PPM1H: variants seen among roughly 807,000 people sequenced by gnomAD.
PPM1H encodes protein phosphatase, Mg2+/Mn2+ dependent 1H, also known as protein phosphatase 1H.
PPM1H carries 27 observed loss-of-function variants against 54.9 expected under a neutral mutation model. That is an observed-to-expected ratio of 0.49 (90% CI 0.36 to 0.68). The LOEUF (loss-of-function observed/expected upper bound fraction) is 0.68, where lower values mean the gene tolerates loss of function less well. PPM1H is among the 30% of genes least tolerant of loss of function. PPM1H has a pLI of 0.00. For synonymous variants in PPM1H, 305 were observed against 270.8 expected, an observed-to-expected ratio of 1.13 and a Z score of -1.24; for missense variants, 596 against 667.8, an observed-to-expected ratio of 0.89 and a Z score of 1.19.
At chr12:62,931,688 G>C (rs536951534) in intron 1 of PPM1H, among the ~76,000 whole-genome samples, 1 of 152,218 alleles carries the variant, frequency 6.6e-6, no homozygotes, top group Non-Finnish European at 1.5e-5. Flanking sequence ...GCTTGACCCT[G>C]GGCAAGTTGC....
chr12:62,758,029 T>C (rs1437988417), intron 4 of PPM1H, among the ~76,000 whole-genome samples: 1 of 152,198 alleles, frequency 6.6e-6, no homozygotes, highest in Non-Finnish European at 1.5e-5. Context: ...AACATGAATT[T>C]GCTGTTCAAA....
At chr12:62,787,292 T>C (rs1263013907) in intron 4 of PPM1H, among the ~76,000 whole-genome samples, 1 of 151,948 alleles carries the variant, frequency 6.6e-6, no homozygotes, top group Non-Finnish European at 1.5e-5. Context: ...CCATGTGACC[T>C]AGAGGAAGGG....
chr12:62,889,628 T>C (rs1213709194), intron 1 of PPM1H, among the ~76,000 whole-genome samples: 1 of 152,076 alleles, frequency 6.6e-6, no homozygotes, highest in Non-Finnish European at 1.5e-5. Context: ...CCCACATAAA[T>C]ACAGTCAACT....
intron 7 of PPM1H, among the ~76,000 whole-genome samples, chr12:62,690,092 T>G (rs1323334377): frequency 1.3e-5 from 2 of 152,158 alleles, no homozygotes; most frequent in East Asian, 3.8e-4. Flanking sequence ...GAAGGAAGGA[T>G]GTCCAATAAA....
intron 6 of PPM1H, among the ~76,000 whole-genome samples, chr12:62,694,478 T>C (rs2076102640): frequency 1.3e-5 from 2 of 152,220 alleles, no homozygotes; most frequent in Non-Finnish European, 2.9e-5. Flanking sequence ...CTCTATATAA[T>C]ATGCAAGGTT....
intron 4 of PPM1H, among the ~76,000 whole-genome samples, chr12:62,781,529 G>A (rs1022779371): frequency 6.6e-6 from 1 of 152,232 alleles, no homozygotes; most frequent in South Asian, 2.1e-4. Flanking sequence ...GATGCCCAGG[G>A]GTAGACTTTA....
chr12:62,755,003 T>C (rs906743236), intron 4 of PPM1H, among the ~76,000 whole-genome samples: 2 of 152,168 alleles, frequency 1.3e-5, no homozygotes, highest in African/African-American at 2.4e-5. Flanking sequence ...TTCTGAGAGA[T>C]GCCACATGTG....
At chr12:62,828,231 G>A (rs1388323231) in intron 2 of PPM1H, among the ~76,000 whole-genome samples, 1 of 152,088 alleles carries the variant, frequency 6.6e-6, no homozygotes, top group Non-Finnish European at 1.5e-5. Flanking sequence ...TATAGAAGTG[G>A]AAGCCAAAGT....
intron 4 of PPM1H, among the ~76,000 whole-genome samples, chr12:62,761,228 G>A (rs1324787094): frequency 6.6e-6 from 1 of 152,166 alleles, no homozygotes; most frequent in African/African-American, 2.4e-5. Flanking sequence ...AGGAATAAGG[G>A]ATCAGAAGTT....
chr12:62,691,883 C>G (rs2076085260), intron 7 of PPM1H, among the ~76,000 whole-genome samples: 1 of 151,990 alleles, frequency 6.6e-6, no homozygotes, highest in African/African-American at 2.4e-5. Flanking sequence ...GGACTGGCTC[C>G]CTTCTAGCCA....
At chr12:62,855,338 C>G (rs183985754) in intron 1 of PPM1H, among the ~76,000 whole-genome samples, 1 of 152,170 alleles carries the variant, frequency 6.6e-6, no homozygotes, top group East Asian at 1.9e-4. Flanking sequence ...TCAGACAGTA[C>G]GTCCAACAAA....
intron 2 of PPM1H, among the ~76,000 whole-genome samples, chr12:62,821,214 T>C (rs748759440): frequency 5.3e-5 from 8 of 151,588 alleles, no homozygotes; most frequent in Non-Finnish European, 8.8e-5. Context: ...AGAGGAGAAG[T>C]TTAGAGAAAA....
chr12:62,819,463 A>G (rs1016044628), intron 2 of PPM1H, among the ~76,000 whole-genome samples: 2 of 152,168 alleles, frequency 1.3e-5, no homozygotes, highest in Non-Finnish European at 2.9e-5. Flanking sequence ...AGAAATGTTT[A>G]TTGTTTCTGT....
rs1868290771 is a variant in PPM1H at position 62,826,304 on chromosome 12, C to A, written c.411+5810G>T. Among the ~76,000 whole-genome samples, 5 of 152,078 alleles carry A rather than the reference C, an allele frequency of 3.3e-5. No individual in the cohort carries two copies. In the South Asian group the frequency reaches 8.3e-4, roughly 25 times the overall value. On this transcript the variant is annotated intron_variant, in intron 2 of 9. Transcript: ENST00000228705. ...GTCTCTACTAAAAATACAAAAATAGCCAGGTATGGTGGTGCTTGCCGGTAA... is the reference window on the plus strand; with the variant it reads ...GTCTCTACTAAAAATACAAAAATAGACAGGTATGGTGGTGCTTGCCGGTAA...
At chr12:62,793,636 A>C (rs996976018) in intron 3 of PPM1H, among the ~76,000 whole-genome samples, 1 of 149,438 alleles carries the variant, frequency 6.7e-6, no homozygotes, top group Non-Finnish European at 1.5e-5. Context: ...AGGCAGGAGA[A>C]TTGCTTGAAC....
At position 62,871,833 on chromosome 12, in the gene PPM1H, A is replaced by G. The variant is rs561230384; in HGVS notation, c.246-39554T>C. Among the ~76,000 whole-genome samples, 28 of 152,246 alleles carry G rather than the reference A, an allele frequency of 1.8e-4. No homozygotes were observed. The South Asian group carries it at 5.2e-3, about 28-fold the overall frequency. ...GCCTGGCCAAAATTGTATATCTTAA[A>G]TGGGTGAACTGTACGGCATATAAAT... On this transcript the variant is annotated intron_variant, in intron 1 of 9. Coordinates refer to ENST00000228705, the MANE Select transcript of PPM1H (RefSeq NM_020700.2).
chr12:62,804,706 C>G (rs376282800), intron 2 of PPM1H, among the ~76,000 whole-genome samples: 1 of 128,594 alleles, frequency 7.8e-6, no homozygotes, highest in East Asian at 2.2e-4. Context: ...GACGGAGTCT[C>G]GCTCTGTCGC....
intron 2 of PPM1H, among the ~76,000 whole-genome samples, chr12:62,813,367 G>C (rs937660471): frequency 2.0e-5 from 3 of 152,188 alleles, no homozygotes; most frequent in Non-Finnish European, 2.9e-5. Flanking sequence ...GCGTGTAAGA[G>C]ACACGTTAGA....
chr12:62,858,999 A>G (rs904683857), intron 1 of PPM1H, among the ~76,000 whole-genome samples: 2 of 152,224 alleles, frequency 1.3e-5, no homozygotes, highest in East Asian at 3.8e-4. Context: ...GCTTCATACT[A>G]TGTACAAACA....
Sources: gnomAD v4.1 joint callset for allele counts (sites outside exome capture counted in the v4.1 genomes callset) on GRCh38, gnomAD v4.1.1 for gene constraint, MANE v1.5 for transcripts, NCBI Gene and HGNC (gene_info 2026-07-23, HGNC 2026-07-21) for gene names.